The following ESCO1 variants were observed in gnomAD, a reference collection of about 807,000 sequenced individuals.
ESCO1 encodes the protein N-acetyltransferase ESCO1.
A neutral mutation model predicts 83.5 loss-of-function variants in ESCO1; 33 were observed. The ratio of observed to expected loss-of-function variants is 0.40; its 90% CI spans 0.30 to 0.53. The LOEUF (loss-of-function observed/expected upper bound fraction) is 0.53. Ranked by LOEUF, ESCO1 falls within the 20% of genes least tolerant of loss-of-function variation. ESCO1 has a pLI of 0.63. For missense variants in ESCO1, 855 were observed against 968.0 expected, an observed-to-expected ratio of 0.88 and a Z score of 1.55; for synonymous variants, 332 against 324.3, an observed-to-expected ratio of 1.02 and a Z score of -0.25.
chr18:21,555,955 G>A (rs1235105216), intron 8 of ESCO1, among the ~76,000 whole-genome samples: 2 of 151,992 alleles, frequency 1.3e-5, no homozygotes, highest in Admixed American at 1.3e-4. Context: ...GCAAAACCCT[G>A]TCTCAAAAAA....
At chr18:21,536,501 G>C (rs2037839118) in intron 9 of ESCO1, among the ~76,000 whole-genome samples, 1 of 150,472 alleles carries the variant, frequency 6.6e-6, no homozygotes, top group Non-Finnish European at 1.5e-5. Context: ...TGAGACAGGA[G>C]AATCCCTTGA....
chr18:21,566,098 A>C, intron 6 of ESCO1, 48 bp downstream of exon 6: 1 of 1,560,072 alleles, frequency 6.4e-7, no homozygotes, highest in South Asian at 1.2e-5. Context: ...TAAACTCAAA[A>C]CTTGTAAGTT....
chr18:21,552,369 T>A (rs1175264402), intron 8 of ESCO1, among the ~76,000 whole-genome samples: 1 of 152,210 alleles, frequency 6.6e-6, no homozygotes, highest in Non-Finnish European at 1.5e-5. Flanking sequence ...TGGGGGTAGT[T>A]ACCCCCATGC....
rs756850624 is a variant in ESCO1 at position 21,574,374 on chromosome 18, T to C, written c.470A>G (p.Lys157Arg). The stretch of plus-strand genomic sequence containing the variant: ...ACTCTGAGTACTGCTACACTGCTCT[T>C]TTTTAGTTGGTGGCAAACTCTGTTT... ...AVKQSLPPTK[K>R]EQCSSTQSKS... Residue 157 changes from lysine to arginine, a missense_variant, in exon 4 of 12, where the codon AAA (lysine) becomes AGA (arginine). Physicochemically the swap from Lys to Arg is conservative, Grantham distance 26. Around this residue, in one of 2 missense-constraint regions of ESCO1, gnomAD observed 726 missense variants for 699.5 expected, o/e 1.04. Coordinates refer to ENST00000269214, the MANE Select transcript of ESCO1 (RefSeq NM_052911.3). 6.2e-7 allele frequency: 1 copy of C among 1,614,106 alleles called. No individual in the cohort carries two copies. The highest frequency in any genetic ancestry group is 8.5e-7 in the Non-Finnish European group (1 of 1,180,034).
intron 9 of ESCO1, 96 bp from the exon 10 acceptor site, chr18:21,536,281 C>T (rs1314179302): frequency 7.4e-7 from 1 of 1,348,980 alleles, no homozygotes; most frequent in Non-Finnish European, 1.0e-6. Context: ...TTATTCCAAG[C>T]AGGGCATCCT....
At position 21,550,009 on chromosome 18, in the gene ESCO1, A is replaced by C. The variant is rs776271242; in HGVS notation, c.1954-10000T>G. 8.7e-4 allele frequency among the ~76,000 whole-genome samples: 132 copies of C among 152,122 alleles called. 1 individual carries two copies. Among genetic ancestry groups the C allele is most frequent in the Non-Finnish European group, 4.3e-4 (29 of 68,024 alleles). ...CACAAAAGATCACTGTACCTACTGT[A>C]GTAAGAAAACACCCAATAAATGAAA... On this transcript the variant is annotated intron_variant, in intron 8 of 11. Transcript: ENST00000269214.
chr18:21,573,331 C>A lies in ESCO1; in HGVS notation c.1513G>T (p.Asp505Tyr). ...CAGATTACCTTATTTGATGCTGAAT[C>A]AAAAGAATGTTTCATCTGATTATCC... Reference protein sequence around the residue: ...PLDNQMKHSFDSASNKNFSQC... With the variant: ...PLDNQMKHSFYSASNKNFSQC... The change falls in exon 4 of 12, where the codon GAT becomes TAT. Residue 505 changes from aspartate to tyrosine, a missense_variant. Asp to Tyr is a radical substitution (Grantham distance 160). Transcript: ENST00000269214. 6.4e-7 allele frequency: 1 copy of A among 1,574,616 alleles called. No individual in the cohort carries two copies.
chr18:21,546,088 C>G (rs998244936), intron 8 of ESCO1, among the ~76,000 whole-genome samples: 10 of 152,212 alleles, frequency 6.6e-5, no homozygotes, highest in Non-Finnish European at 1.2e-4. Flanking sequence ...TACTGACTAC[C>G]TACCATGTAT....
chr18:21,552,492 C>T (rs909357956), intron 8 of ESCO1, among the ~76,000 whole-genome samples: 1 of 152,218 alleles, frequency 6.6e-6, no homozygotes, highest in African/African-American at 2.4e-5. Flanking sequence ...GACAAATCTG[C>T]TTCCCTTTCT....
intron 4 of ESCO1, among the ~76,000 whole-genome samples, chr18:21,569,560 A>G (rs1336553585): frequency 1.1e-4 from 17 of 152,278 alleles, no homozygotes; most frequent in Non-Finnish European, 5.9e-5. Context: ...AGCCTCACCA[A>G]GATGGTGAAA....
intron 2 of ESCO1, among the ~76,000 whole-genome samples, chr18:21,582,493 A>G (rs2038516298): frequency 6.6e-6 from 1 of 152,166 alleles, no homozygotes; most frequent in Non-Finnish European, 1.5e-5. Flanking sequence ...GGCCTCTGAA[A>G]GTGCTGACAT....
chr18:21,556,456 C>T (rs1333267868), intron 8 of ESCO1, among the ~76,000 whole-genome samples: 7 of 152,052 alleles, frequency 4.6e-5, no homozygotes, highest in African/African-American at 1.7e-4. Context: ...ACATGGTTTC[C>T]CTAAATCAAA....
In ESCO1 at chr18:21,529,406, G is replaced by A. The variant is rs1449148632; in HGVS notation, c.*937C>T. 1 of 152,352 alleles carries A rather than the reference G, an allele frequency of 6.6e-6. No homozygotes were observed. Among genetic ancestry groups the A allele is most frequent in the East Asian group, 1.9e-4 (1 of 5,198 alleles). The allele number at this position is 152,352 out of a possible 1,614,324, so 9.4% of individuals were successfully genotyped here. A position where few individuals can be genotyped will look rare whatever the true frequency, so the allele number is the denominator to read the frequency against. On this transcript the variant is annotated 3_prime_UTR_variant, in exon 12 of 12. Coordinates refer to ENST00000269214, the MANE Select transcript of ESCO1 (RefSeq NM_052911.3). ...AACATATAAACCCTTTAAAAGTAGA[G>A]GGCACTATGAAGGATAGACAAGTAT...
chr18:21,594,870 T>C (rs920304722), intron 1 of ESCO1, among the ~76,000 whole-genome samples: 1 of 152,036 alleles, frequency 6.6e-6, no homozygotes, highest in African/African-American at 2.4e-5. Context: ...AAGCAACAAG[T>C]ATTTGTTTAA....
chr18:21,600,678 G>C lies in ESCO1; in HGVS notation c.-880C>G, dbSNP rs1039555189. The C allele has an allele frequency of 5.3e-5, 8 of 152,250 alleles. No individual in the cohort carries two copies. The highest frequency in any genetic ancestry group is 1.7e-4 in the African/African-American group (7 of 41,464). 9.4% of individuals were successfully genotyped at this position (152,250 alleles called of 1,614,324 possible). On this transcript the variant is annotated 5_prime_UTR_variant, in exon 1 of 12. Coordinates refer to ENST00000269214, the MANE Select transcript of ESCO1 (RefSeq NM_052911.3). Reference sequence around the variant, plus strand: ...GCGCCAGCGGATCGCCTCACATCCGGGTATCAGGAGACACTCAGCTGCTTC... The same window carrying C: ...GCGCCAGCGGATCGCCTCACATCCGCGTATCAGGAGACACTCAGCTGCTTC...
At chr18:21,572,202 C>CA (rs2038350263) in intron 4 of ESCO1, among the ~76,000 whole-genome samples, 1 of 152,130 alleles carries the variant, frequency 6.6e-6, no homozygotes, top group African/African-American at 2.4e-5. Flanking sequence ...TTTGTGCCAC[C>CA]AAACGTGTTG....
At chr18:21,533,544 C>T (rs1598974263) in intron 10 of ESCO1, among the ~76,000 whole-genome samples, 3 of 152,054 alleles carry the variant, frequency 2.0e-5, no homozygotes, top group African/African-American at 4.8e-5. Flanking sequence ...CATGAGCCAC[C>T]GTGCCCAGCC....
intron 8 of ESCO1, among the ~76,000 whole-genome samples, chr18:21,559,708 G>T (rs574540518): frequency 8.1e-4 from 123 of 152,170 alleles, no homozygotes; most frequent in South Asian, 2.1e-3. Flanking sequence ...CACAATGCAA[G>T]GATATTAACA....
At chr18:21,588,846 G>C (rs995097673) in intron 1 of ESCO1, among the ~76,000 whole-genome samples, 1 of 152,070 alleles carries the variant, frequency 6.6e-6, no homozygotes, top group South Asian at 2.1e-4. Context: ...AGCCTTGATC[G>C]CACCACTCCA....
Sources: allele counts gnomAD v4.1 joint callset (sites outside exome capture counted in the v4.1 genomes callset), GRCh38; gene constraint gnomAD v4.1.1; regional missense constraint gnomAD v4.1.1; transcripts MANE v1.5; gene names NCBI Gene and HGNC (gene_info 2026-07-23, HGNC 2026-07-21).